Variants in PTPN2 observed in about 807,000 individuals in gnomAD.
The protein encoded by PTPN2 is protein tyrosine phosphatase non-receptor type 2, also known as tyrosine-protein phosphatase non-receptor type 2.
PTPN2 carries 19 observed loss-of-function variants against 57.3 expected under a neutral mutation model. That is an observed-to-expected ratio of 0.33 (90% CI 0.23 to 0.49). PTPN2 has a LOEUF of 0.49. Among genes scored for constraint, PTPN2 ranks in the 20% least tolerant of loss-of-function variants. PTPN2 has a pLI of 0.99. For missense variants in PTPN2, 358 were observed against 501.1 expected (o/e 0.71, Z 2.73); for synonymous variants, 153 against 164.9 (o/e 0.93, Z 0.55).
chr18:12,883,244 G>A (rs1476611029), intron 1 of PTPN2, among the ~76,000 whole-genome samples: 1 of 152,348 alleles, frequency 6.6e-6, no homozygotes, highest in East Asian at 1.9e-4. Flanking sequence ...TTTCACTGTA[G>A]GGAAAGTATA....
intron 8 of PTPN2, among the ~76,000 whole-genome samples, chr18:12,796,434 C>T (rs956022125): frequency 2.8e-4 from 43 of 152,114 alleles, no homozygotes; most frequent in African/African-American, 9.9e-4. Flanking sequence ...ATCTTTCAGA[C>T]AAGAGAAATC....
In PTPN2 at chr18:12,870,317, A is replaced by G. The variant is rs181745554; in HGVS notation, c.70-11063T>C. The stretch of plus-strand genomic sequence containing the variant: ...TATATATGTGTATATATACATATAT[A>G]TGTGTATATATATGTATATATATAC... On this transcript the variant is annotated intron_variant, in intron 1 of 8. Transcript: ENST00000309660. Among the ~76,000 whole-genome samples, 214 of 43,616 alleles carry G rather than the reference A, an allele frequency of 4.9e-3. 6 individuals are homozygous for G. Among genetic ancestry groups the G allele is most frequent in the East Asian group, 0.026 (22 of 842 alleles). The allele number at this position is 43,616 out of a possible 152,430, so 28.6% of individuals were successfully genotyped here.
At chr18:12,821,689 G>A (rs1343869454) in intron 5 of PTPN2, among the ~76,000 whole-genome samples, 1 of 152,126 alleles carries the variant, frequency 6.6e-6, no homozygotes, top group East Asian at 1.9e-4. Flanking sequence ...CCCCACCAAG[G>A]AATTCACCTA....
chr18:12,833,092 A>G (rs1047712147), intron 3 of PTPN2, among the ~76,000 whole-genome samples: 1 of 152,212 alleles, frequency 6.6e-6, no homozygotes, highest in African/African-American at 2.4e-5. Context: ...GCCCAGCCAT[A>G]GGTTTTTAAA....
intron 3 of PTPN2, among the ~76,000 whole-genome samples, chr18:12,831,812 A>G (rs1366090710): frequency 2.0e-5 from 3 of 152,246 alleles, no homozygotes; most frequent in Admixed American, 1.3e-4. Context: ...TGTTACAACA[A>G]TGCCATGGGG....
chr18:12,870,966 T>C (rs1422486669), intron 1 of PTPN2, among the ~76,000 whole-genome samples: 1 of 152,136 alleles, frequency 6.6e-6, no homozygotes, highest in Non-Finnish European at 1.5e-5. Context: ...TCCTTTCCCT[T>C]AGGTGATAAC....
intron 4 of PTPN2, among the ~76,000 whole-genome samples, chr18:12,827,443 C>T (rs2042516248): frequency 6.7e-6 from 1 of 150,220 alleles, no homozygotes; most frequent in South Asian, 2.1e-4. Flanking sequence ...GTAGCCCAGG[C>T]TGGAGTGCAC....
At chr18:12,881,671 T>C (rs2145552891) in intron 1 of PTPN2, among the ~76,000 whole-genome samples, 1 of 152,236 alleles carries the variant, frequency 6.6e-6, no homozygotes, top group South Asian at 2.1e-4. Flanking sequence ...CTTGTCCTCT[T>C]CCCCTGGCCA....
chr18:12,874,536 G>C (rs1235973421), intron 1 of PTPN2, among the ~76,000 whole-genome samples: 2 of 115,532 alleles, frequency 1.7e-5, no homozygotes, highest in East Asian at 3.0e-4. Context: ...AGGAAGGTGG[G>C]GGGGGGTCAG....
chr18:12,794,613 T>C (rs62097815), intron 8 of PTPN2, 128 bp from the exon 9 acceptor site: 1 of 1,166,514 alleles, frequency 8.6e-7, no homozygotes, highest in African/African-American at 1.6e-5. Context: ...ACTGGAATAA[T>C]GAGGGGAAAA....
chr18:12,785,719 G>A, exon 10 of PTPN2: 2 of 1,017,288 alleles, frequency 2.0e-6, no homozygotes, highest in South Asian at 2.6e-5. Flanking sequence ...GCAATCTAGA[G>A]GGTTAGCGAG....
At chr18:12,883,365 T>C (rs1297499350) in intron 1 of PTPN2, among the ~76,000 whole-genome samples, 2 of 152,206 alleles carry the variant, frequency 1.3e-5, no homozygotes, top group African/African-American at 4.8e-5. Flanking sequence ...CGCTGGGCGC[T>C]GCTGGGCCAC....
chr18:12,829,170 T>C (rs549672892), intron 4 of PTPN2, among the ~76,000 whole-genome samples: 7 of 152,206 alleles, frequency 4.6e-5, no homozygotes, highest in African/African-American at 1.7e-4. Context: ...AGTGCTGAGA[T>C]TACAGGTGTG....
Position 12,814,373 on chromosome 18 carries a change from A to G in PTPN2, c.706-18T>C. 1.3e-6 allele frequency: 2 copies of G among 1,571,810 alleles called. No individual in the cohort carries two copies. The highest frequency in any genetic ancestry group is 2.3e-5 in the East Asian group (1 of 44,052). On this transcript the variant is annotated intron_variant, in intron 6 of 8. Coordinates refer to ENST00000309660, the MANE Select transcript of PTPN2 (RefSeq NM_002828.4). ...TTTTCCATCTGCAAGAAAGGCAAAA[A>G]ATGAGACAAGTCTTGTTATTGGAAC...
intron 1 of PTPN2, among the ~76,000 whole-genome samples, chr18:12,879,048 A>G (rs1433973467): frequency 1.3e-5 from 2 of 152,202 alleles, no homozygotes; most frequent in Non-Finnish European, 2.9e-5. Flanking sequence ...CAAAAGGAAA[A>G]GCCAAAAAGG....
Position 12,793,959 on chromosome 18 carries a change from C to A in PTPN2, c.*319G>T, listed in dbSNP as rs978095636. 6.0e-6 allele frequency: 7 copies of A among 1,158,550 alleles called. No individual in the cohort carries two copies. The highest frequency in any genetic ancestry group is 7.5e-6 in the Non-Finnish European group (7 of 938,622). The allele number at this position is 1,158,550 out of a possible 1,614,324, so 71.8% of individuals were successfully genotyped here. On this transcript the variant is annotated 3_prime_UTR_variant, in exon 9 of 9. Coordinates refer to ENST00000309660, the MANE Select transcript of PTPN2 (RefSeq NM_002828.4). ...TCCAGATAGCCTCCAAAAACAAATC[C>A]TGTGATAAAGGATATCTCAATGTTG...
intron 4 of PTPN2, among the ~76,000 whole-genome samples, chr18:12,828,595 T>C (rs921305739): frequency 4.6e-5 from 7 of 152,128 alleles, no homozygotes; most frequent in Non-Finnish European, 8.8e-5. Context: ...AAAAAGGAAA[T>C]AGCAGATGTA....
chr18:12,868,430 T>A (rs2044069637), intron 1 of PTPN2, among the ~76,000 whole-genome samples: 1 of 151,836 alleles, frequency 6.6e-6, no homozygotes, highest in African/African-American at 2.4e-5. Context: ...AATTTTTGTA[T>A]TTTTTAGTAG....
At chr18:12,817,663 T>C (rs2042122908) in intron 5 of PTPN2, among the ~76,000 whole-genome samples, 2 of 152,164 alleles carry the variant, frequency 1.3e-5, no homozygotes, top group South Asian at 4.1e-4. Flanking sequence ...CCCATTTTCC[T>C]GATGAGGAAA....
Sources: gnomAD v4.1 joint callset for allele counts (sites outside exome capture counted in the v4.1 genomes callset) on GRCh38, gnomAD v4.1.1 for gene constraint, MANE v1.5 for transcripts, NCBI Gene and HGNC (gene_info 2026-07-23, HGNC 2026-07-21) for gene names.